Variants in STXBP5L observed in about 807,000 individuals in gnomAD.
STXBP5L encodes the protein syntaxin-binding protein 5-like.
STXBP5L carries 65 observed loss-of-function variants against 144.5 expected under a neutral mutation model. The observed-to-expected ratio is 0.45, with a 90% CI of 0.37 to 0.55. The LOEUF is 0.55. Among genes scored for constraint, STXBP5L ranks in the 20% least tolerant of loss-of-function variants. The pLI, the probability that STXBP5L is intolerant of heterozygous loss-of-function variation, is 0.00. For synonymous variants in STXBP5L, 505 were observed against 469.6 expected, an observed-to-expected ratio of 1.08 and a Z score of -0.97; for missense variants, 1,298 against 1,405.5, an observed-to-expected ratio of 0.92 and a Z score of 1.22.
intron 3 of STXBP5L, among the ~76,000 whole-genome samples, chr3:120,969,481 G>A (rs1939994253): frequency 6.6e-6 from 1 of 150,736 alleles, no homozygotes; most frequent in Non-Finnish European, 1.5e-5. Flanking sequence ...AGTTTGTGAA[G>A]ATTTTCTTTC....
chr3:121,302,121 A>C (rs377243672), intron 19 of STXBP5L, among the ~76,000 whole-genome samples: 1 of 152,140 alleles, frequency 6.6e-6, no homozygotes, highest in Non-Finnish European at 1.5e-5. Flanking sequence ...AGAAGGAATG[A>C]TACCAGCTCC....
chr3:121,344,031 G>T (rs1312300288), intron 20 of STXBP5L, among the ~76,000 whole-genome samples: 1 of 151,952 alleles, frequency 6.6e-6, no homozygotes, highest in South Asian at 2.1e-4. Flanking sequence ...AAACAGCATG[G>T]TACTGGTACC....
intron 3 of STXBP5L, among the ~76,000 whole-genome samples, chr3:121,030,074 TTGG>T (rs751651550): frequency 6.6e-5 from 10 of 152,258 alleles, no homozygotes; most frequent in African/African-American, 1.4e-4. Flanking sequence ...TTTTACACTG[TTGG>T]TGGGTGTGTA....
At chr3:121,195,313 A>G (rs1218606726) in intron 9 of STXBP5L, among the ~76,000 whole-genome samples, 1 of 152,156 alleles carries the variant, frequency 6.6e-6, no homozygotes. Context: ...TTTTCAAAGA[A>G]GCTGCTTTTT....
intron 20 of STXBP5L, among the ~76,000 whole-genome samples, chr3:121,354,934 T>G (rs1039107050): frequency 6.6e-6 from 1 of 152,194 alleles, no homozygotes; most frequent in Non-Finnish European, 1.5e-5. Flanking sequence ...AGGATTTTAT[T>G]TCTCCTTCAG....
rs139197064 is a variant in STXBP5L at position 121,217,016 on chromosome 3, G to C, written c.957-5987G>C. Among the ~76,000 whole-genome samples, 667 of 152,204 alleles carry C rather than the reference G, an allele frequency of 4.4e-3. 1 individual carries two copies. The highest frequency in any genetic ancestry group is 6.8e-3 in the Middle Eastern group (2 of 294). Reference sequence around the variant, plus strand: ...TACCACCTACTCAAGCCTCAGTAATGGTGACGCCCCTCCCCCAACCAAGCT... The same window carrying C: ...TACCACCTACTCAAGCCTCAGTAATCGTGACGCCCCTCCCCCAACCAAGCT... On this transcript the variant is annotated intron_variant, in intron 10 of 26. Coordinates refer to ENST00000471454, the MANE Select transcript of STXBP5L (RefSeq NM_001308330.2).
intron 3 of STXBP5L, among the ~76,000 whole-genome samples, chr3:120,973,535 C>G (rs369740641): frequency 5.3e-5 from 8 of 151,572 alleles, no homozygotes; most frequent in Admixed American, 4.0e-4. Flanking sequence ...CTTTTCATTT[C>G]TTTGATTCTT....
At chr3:121,278,166 A>G (rs1396471706) in intron 18 of STXBP5L, among the ~76,000 whole-genome samples, 1 of 151,990 alleles carries the variant, frequency 6.6e-6, no homozygotes, top group Non-Finnish European at 1.5e-5. Context: ...CCTGGGAACT[A>G]TCTTCAGTCA....
intron 6 of STXBP5L, among the ~76,000 whole-genome samples, chr3:121,116,321 C>A (rs576713282): frequency 1.3e-5 from 2 of 152,132 alleles, no homozygotes; most frequent in South Asian, 2.1e-4. Flanking sequence ...AAATATTTTA[C>A]CTAATCTTAA....
chr3:121,027,545 T>G (rs558121161), intron 3 of STXBP5L, among the ~76,000 whole-genome samples: 1 of 152,212 alleles, frequency 6.6e-6, no homozygotes, highest in South Asian at 2.1e-4. Flanking sequence ...GCCTTTGTTC[T>G]TTGGCTCTTG....
intron 22 of STXBP5L, among the ~76,000 whole-genome samples, chr3:121,393,442 T>TA (rs2108713165): frequency 6.6e-6 from 1 of 152,294 alleles, no homozygotes; most frequent in Admixed American, 6.5e-5. Flanking sequence ...AATTAAGTCC[T>TA]ATTTGTCTAT....
chr3:121,222,713 G>T (rs1413911463), intron 10 of STXBP5L, among the ~76,000 whole-genome samples: 1 of 152,100 alleles, frequency 6.6e-6, no homozygotes, highest in African/African-American at 2.4e-5. Flanking sequence ...ATGTCCTTTT[G>T]AGAGTCAGTG....
intron 5 of STXBP5L, among the ~76,000 whole-genome samples, chr3:121,113,838 A>T (rs1402313050): frequency 2.6e-5 from 4 of 151,612 alleles, no homozygotes; most frequent in Admixed American, 2.0e-4. Flanking sequence ...ACGCCCGGCT[A>T]ATTTTTTGTA....
chr3:120,982,409 T>G (rs575061131), intron 3 of STXBP5L, among the ~76,000 whole-genome samples: 1 of 152,060 alleles, frequency 6.6e-6, no homozygotes, highest in Non-Finnish European at 1.5e-5. Flanking sequence ...CCTGGTGAAA[T>G]GTACTGAGCT....
chr3:121,056,603 T>C (rs1241614692), intron 5 of STXBP5L, among the ~76,000 whole-genome samples: 1 of 152,164 alleles, frequency 6.6e-6, no homozygotes, highest in Non-Finnish European at 1.5e-5. Flanking sequence ...GCTTTGATTC[T>C]TTTCAAAGTG....
chr3:121,322,842 G>A (rs2044020422), intron 20 of STXBP5L, among the ~76,000 whole-genome samples: 1 of 152,130 alleles, frequency 6.6e-6, no homozygotes, highest in Admixed American at 6.6e-5. Context: ...TTCCTCTGCA[G>A]CTTCACCAGC....
intron 9 of STXBP5L, among the ~76,000 whole-genome samples, chr3:121,197,446 A>AT (rs1177432890): frequency 2.6e-5 from 4 of 151,636 alleles, no homozygotes; most frequent in Non-Finnish European, 4.4e-5. Context: ...TCCTTTACTG[A>AT]TTTTTTAACA....
At chr3:121,128,024 TA>T (rs1450394269) in intron 7 of STXBP5L, among the ~76,000 whole-genome samples, 10 of 152,048 alleles carry the variant, frequency 6.6e-5, no homozygotes, top group Non-Finnish European at 1.3e-4. Context: ...CACAGAAGCA[TA>T]AATCTTCCTC....
intron 3 of STXBP5L, among the ~76,000 whole-genome samples, chr3:121,040,034 T>C (rs1947039445): frequency 6.8e-6 from 1 of 147,364 alleles, no homozygotes; most frequent in Non-Finnish European, 1.5e-5. Context: ...TTCTTCAACA[T>C]ATGCAGTGTA....
Sources: gnomAD v4.1 joint callset for allele counts (sites outside exome capture counted in the v4.1 genomes callset) on GRCh38, gnomAD v4.1.1 for gene constraint, MANE v1.5 for transcripts, NCBI Gene and HGNC (gene_info 2026-07-23, HGNC 2026-07-21) for gene names.